The following AMBRA1 variants were observed in gnomAD, a reference collection of about 807,000 sequenced individuals.
The protein encoded by AMBRA1 is activating molecule in BECN1-regulated autophagy protein 1.
Under a neutral mutation model 125.4 loss-of-function variants are expected in AMBRA1, and 47 were observed. The ratio of observed to expected loss-of-function variants is 0.37; its 90% CI spans 0.30 to 0.48. The LOEUF (loss-of-function observed/expected upper bound fraction) is 0.48. Among genes scored for constraint, AMBRA1 ranks in the 20% least tolerant of loss-of-function variants. The pLI, the probability that AMBRA1 is intolerant of heterozygous loss-of-function variation, is 0.99. For synonymous variants in AMBRA1, 626 were observed against 655.5 expected (o/e 0.95, Z 0.69); for missense variants, 1,331 against 1,693.4 (o/e 0.79, Z 3.76).
At chr11:46,522,948 A>T (rs1232423188) in intron 7 of AMBRA1, among the ~76,000 whole-genome samples, 1 of 152,230 alleles carries the variant, frequency 6.6e-6, no homozygotes, top group African/African-American at 2.4e-5. Context: ...CGAATATCAG[A>T]AAGGCAAAGC....
At position 46,505,382 on chromosome 11, in the gene AMBRA1, G is replaced by A. The variant is rs571343891; in HGVS notation, c.2339+2809C>T. On this transcript the variant is annotated intron_variant, in intron 9 of 17. Transcript: ENST00000683756. ...GGAGGTGGGCAGGGAAGGAGACAGA[G>A]AAAGAATAAACAGTCAGTTTCAACC... Among the ~76,000 whole-genome samples the A allele has an allele frequency of 1.2e-4, 19 of 152,270 alleles. No individual in the cohort carries two copies. In the South Asian group the frequency reaches 3.7e-3, roughly 30 times the overall value.
chr11:46,483,881 C>A (rs1950167743), intron 11 of AMBRA1, among the ~76,000 whole-genome samples: 1 of 152,006 alleles, frequency 6.6e-6, no homozygotes, highest in Non-Finnish European at 1.5e-5. Flanking sequence ...CAAAGTGAGA[C>A]TCTGTCTCGA....
At chr11:46,470,715 T>C (rs935637695) in intron 11 of AMBRA1, among the ~76,000 whole-genome samples, 8 of 151,830 alleles carry the variant, frequency 5.3e-5, no homozygotes, top group Non-Finnish European at 2.9e-5. Context: ...GTGAGCCATG[T>C]CTGCACCACC....
intron 14 of AMBRA1, chr11:46,429,189 C>A: frequency 1.3e-6 from 2 of 1,489,862 alleles, no homozygotes; most frequent in South Asian, 1.2e-5. Context: ...CATCCTCCCC[C>A]TCTCCCTCGG....
At chr11:46,418,770 T>C (rs1946700083) in intron 14 of AMBRA1, among the ~76,000 whole-genome samples, 1 of 152,210 alleles carries the variant, frequency 6.6e-6, no homozygotes, top group Non-Finnish European at 1.5e-5. Context: ...TAGGGGACTC[T>C]ATGGCTCTAA....
At chr11:46,459,631 G>T (rs568136551) in intron 11 of AMBRA1, among the ~76,000 whole-genome samples, 6 of 151,162 alleles carry the variant, frequency 4.0e-5, no homozygotes, top group African/African-American at 1.5e-4. Flanking sequence ...GAATTGCTCG[G>T]ACCTGGGAGG....
Position 46,497,526 on chromosome 11 carries a change from G to A in AMBRA1, c.2340-3322C>T, listed in dbSNP as rs549649903. Among the ~76,000 whole-genome samples the A allele has an allele frequency of 1.5e-3, 231 of 152,288 alleles. 1 individual carries two copies. In the South Asian group the frequency reaches 0.016, roughly 10 times the overall value. ...GAGAACTCTGAAGGAGAAATGACAG[G>A]AGAGGACCCAGCACGACCAGGAAAA... On this transcript the variant is annotated intron_variant, in intron 9 of 17. Coordinates refer to ENST00000683756, the MANE Select transcript of AMBRA1 (RefSeq NM_001387011.1).
At chr11:46,479,825 T>C (rs1324167089) in intron 11 of AMBRA1, among the ~76,000 whole-genome samples, 27 of 152,168 alleles carry the variant, frequency 1.8e-4, no homozygotes, top group Non-Finnish European at 1.3e-4. Context: ...AACTATCTGT[T>C]ATCAGTTTTC....
At chr11:46,424,216 C>G (rs1426719887) in intron 14 of AMBRA1, among the ~76,000 whole-genome samples, 1 of 151,576 alleles carries the variant, frequency 6.6e-6, no homozygotes, top group Non-Finnish European at 1.5e-5. Context: ...AAGCTCTCTC[C>G]CAGCAGAAAA....
In AMBRA1 at chr11:46,494,117, T is replaced by A. The variant is rs1179410416; in HGVS notation, c.2420+7A>T. On this transcript the variant is annotated splice_region_variant and intron_variant, in intron 10 of 17. Coordinates refer to ENST00000683756, the MANE Select transcript of AMBRA1 (RefSeq NM_001387011.1). ...GCTCCCTCTGTTGCTAGCAACTCGGTTCTTACCTTGGGACAAAGCGTCCAA... is the reference window on the plus strand; with the variant it reads ...GCTCCCTCTGTTGCTAGCAACTCGGATCTTACCTTGGGACAAAGCGTCCAA... The A allele has an allele frequency of 6.2e-7, 1 of 1,602,068 alleles. No individual in the cohort carries two copies. Among genetic ancestry groups the A allele is most frequent in the East Asian group, 2.2e-5 (1 of 44,684 alleles).
At chr11:46,543,425 G>A (rs367678351) in intron 6 of AMBRA1, 27 bp from the exon 7 acceptor site, 3 of 1,606,574 alleles carry the variant, frequency 1.9e-6, no homozygotes, top group Non-Finnish European at 2.5e-6. Context: ...CATGGGGCAG[G>A]GGGTAGAGCA....
At chr11:46,406,113 G>A (rs2136604545) in intron 17 of AMBRA1, among the ~76,000 whole-genome samples, 1 of 151,736 alleles carries the variant, frequency 6.6e-6, no homozygotes, top group South Asian at 2.1e-4. Context: ...GAGTGCAGTG[G>A]TGTGATTTTG....
chr11:46,548,625 AC>A, intron 1 of AMBRA1, 125 bp from the exon 2 acceptor site: 1 of 471,374 alleles, frequency 2.1e-6, no homozygotes, highest in Non-Finnish European at 3.7e-6. Context: ...CTCAGAAAAG[AC>A]CCTTCCTCCC....
At chr11:46,467,217 T>C (rs924182062) in intron 11 of AMBRA1, among the ~76,000 whole-genome samples, 1 of 152,030 alleles carries the variant, frequency 6.6e-6, no homozygotes, top group African/African-American at 2.4e-5. Flanking sequence ...GCACTAGGCC[T>C]ATAACTGATT....
At chr11:46,575,512 CTTTTTTTTT>C (rs775796043) in intron 1 of AMBRA1, among the ~76,000 whole-genome samples, 23 of 100,412 alleles carry the variant, frequency 2.3e-4, no homozygotes, top group Non-Finnish European at 4.1e-4. Flanking sequence ...TTTTTCTTTC[CTTTTTTTTT>C]TTTTTTTTTT....
At chr11:46,549,203 G>A (rs1486923543) in intron 1 of AMBRA1, among the ~76,000 whole-genome samples, 1 of 152,160 alleles carries the variant, frequency 6.6e-6, no homozygotes, top group Non-Finnish European at 1.5e-5. Flanking sequence ...ATACACACAA[G>A]TGTAATGATT....
chr11:46,509,303 C>T (rs1333559346), intron 8 of AMBRA1, among the ~76,000 whole-genome samples: 4 of 152,122 alleles, frequency 2.6e-5, no homozygotes, highest in Non-Finnish European at 5.9e-5. Flanking sequence ...TCTCTCACAA[C>T]AGTATTATAT....
chr11:46,456,822 T>C (rs1399071622), intron 11 of AMBRA1, among the ~76,000 whole-genome samples: 1 of 152,230 alleles, frequency 6.6e-6, no homozygotes, highest in Non-Finnish European at 1.5e-5. Context: ...TTTCCTCATC[T>C]GTCGATCACA....
intron 11 of AMBRA1, among the ~76,000 whole-genome samples, chr11:46,469,973 C>A (rs1949511128): frequency 5.3e-5 from 8 of 151,994 alleles, no homozygotes; most frequent in Admixed American, 5.2e-4. Context: ...CCACTGTGCC[C>A]AGCCTATTTC....
Sources: allele counts gnomAD v4.1 joint callset (sites outside exome capture counted in the v4.1 genomes callset), GRCh38; gene constraint gnomAD v4.1.1; transcripts MANE v1.5; gene names NCBI Gene and HGNC (gene_info 2026-07-23, HGNC 2026-07-21).